The following ADCYAP1R1 variants were observed in gnomAD, a reference collection of about 807,000 sequenced individuals.
The protein encoded by ADCYAP1R1 is pituitary adenylate cyclase-activating polypeptide type I receptor.
ADCYAP1R1 carries 44 observed loss-of-function variants against 67.6 expected under a neutral mutation model. That is an observed-to-expected ratio of 0.65 (90% CI 0.51 to 0.84). The LOEUF (loss-of-function observed/expected upper bound fraction) is 0.84. Ranked by LOEUF, ADCYAP1R1 falls within the 40% of genes least tolerant of loss-of-function variation. The pLI is 0.00. For missense variants in ADCYAP1R1, 477 were observed against 587.9 expected, an observed-to-expected ratio of 0.81 and a Z score of 1.95; for synonymous variants, 222 against 219.6, an observed-to-expected ratio of 1.01 and a Z score of -0.10.
chr7:31,066,090 G>A (rs1487154032), intron 3 of ADCYAP1R1, among the ~76,000 whole-genome samples: 2 of 152,036 alleles, frequency 1.3e-5, no homozygotes, highest in Non-Finnish European at 2.9e-5. Context: ...GGGGCCAGAA[G>A]GGCACACAGT....
intron 6 of ADCYAP1R1, among the ~76,000 whole-genome samples, chr7:31,082,817 C>T (rs1795565423): frequency 6.6e-6 from 1 of 152,244 alleles, no homozygotes; most frequent in Admixed American, 6.5e-5. Flanking sequence ...TTGGAGTCTC[C>T]CTGTTGTGGG....
At chr7:31,104,488 C>T (rs1796558905) in intron 14 of ADCYAP1R1, among the ~76,000 whole-genome samples, 1 of 152,196 alleles carries the variant, frequency 6.6e-6, no homozygotes, top group Admixed American at 6.5e-5. Flanking sequence ...CAGGTCTGTT[C>T]TGTCCTGGAG....
chr7:31,071,956 G>GATCC (rs560523944), intron 3 of ADCYAP1R1, among the ~76,000 whole-genome samples: 7,517 of 142,604 alleles, frequency 0.053, 369 homozygotes, highest in Middle Eastern at 0.078. Context: ...TGTGGTAAAT[G>GATCC]ATCCATCCAT....
At chr7:31,071,956 GATCCATCC>G (rs560523944) in intron 3 of ADCYAP1R1, among the ~76,000 whole-genome samples, 22 of 142,698 alleles carry the variant, frequency 1.5e-4, no homozygotes, top group African/African-American at 4.3e-4. Flanking sequence ...TGTGGTAAAT[GATCCATCC>G]ATCCATCCAT....
At chr7:31,077,022 C>T (rs2267728) in intron 3 of ADCYAP1R1, among the ~76,000 whole-genome samples, 7 of 152,250 alleles carry the variant, frequency 4.6e-5, no homozygotes, top group Non-Finnish European at 1.0e-4. Context: ...GGGTGTGGGG[C>T]GGTGTAAAAA....
rs969192823 is a variant in ADCYAP1R1, at chr7:31,104,734, C to G, written c.1177-134C>G. 1.5e-5 allele frequency: 15 copies of G among 1,000,870 alleles called. No homozygotes were observed. In the African/African-American group the frequency reaches 2.2e-4, roughly 15 times the overall value. The allele number at this position is 1,000,870 out of a possible 1,614,324, so 62.0% of individuals were successfully genotyped here. On this transcript the variant is annotated intron_variant, in intron 14 of 15. Transcript: ENST00000304166. The stretch of plus-strand genomic sequence containing the variant: ...TAGAGTAGAACTGTCCCATCTTACC[C>G]CAGATCCCTGGGCAGGTGCCCCCAT...
chr7:31,084,577 G>A (rs1327811687), intron 7 of ADCYAP1R1, among the ~76,000 whole-genome samples, 160 bp from the exon 8 acceptor site: 1 of 152,188 alleles, frequency 6.6e-6, no homozygotes, highest in African/African-American at 2.4e-5. Flanking sequence ...GCTTGGCCAG[G>A]GGTGGGAGGT....
intron 1 of ADCYAP1R1, among the ~76,000 whole-genome samples, chr7:31,060,363 A>G (rs1036266610): frequency 2.0e-5 from 3 of 152,190 alleles, no homozygotes; most frequent in Non-Finnish European, 2.9e-5. Flanking sequence ...ATTGTTCTGT[A>G]TATCTACAGT....
In ADCYAP1R1 at chr7:31,065,026, A is replaced by AG. The variant is rs148494730; in HGVS notation, c.157+92dup. 7.3e-3 allele frequency: 6,996 copies of AG among 955,860 alleles called. 323 individuals carry two copies. The African/African-American group carries it at 0.1, about 14-fold the overall frequency. 59.2% of individuals were successfully genotyped at this position (955,860 alleles called of 1,614,324 possible). On this transcript the variant is annotated intron_variant, in intron 3 of 15. Coordinates refer to ENST00000304166, the MANE Select transcript of ADCYAP1R1 (RefSeq NM_001118.5). ...CTCAGGCTCGGCCAGTGAGTGGTCA[A>AG]GGTATGGGTTTCTGGGGACTTCAGA...
At position 31,086,781 on chromosome 7, in the gene ADCYAP1R1, GAT is replaced by G. The variant is rs1795761678; in HGVS notation, c.824-158_824-157del. ...ACAAGACAGCCCTTGGTCTGAGGGA[GAT>G]ATAGACCCTCAGGAGGCCTGGGTGT... On this transcript the variant is annotated intron_variant, in intron 10 of 15. Coordinates refer to ENST00000304166, the MANE Select transcript of ADCYAP1R1 (RefSeq NM_001118.5). This position sits in a 1 kb window ranked among gnomAD's most constrained non-coding sequence, Gnocchi z 5.0. 6.6e-6 allele frequency among the ~76,000 whole-genome samples: 1 copy of G among 152,152 alleles called. No individual in the cohort carries two copies. Among genetic ancestry groups the G allele is most frequent in the Non-Finnish European group, 1.5e-5 (1 of 68,030 alleles).
rs1180989250 is a variant in ADCYAP1R1, at chr7:31,086,489, TTCTTCCCTGAAAGG to T, written c.776_789del (p.Phe259Ter). The T allele has an allele frequency of 6.2e-7, 1 of 1,614,120 alleles. No homozygotes were observed. Among genetic ancestry groups the T allele is most frequent in the Non-Finnish European group, 8.5e-7 (1 of 1,180,048 alleles). ...CCTCTTCACTCTGCTGGTGGAGACCTTCTTCCCTGAAAGGAGATACTTCTACTGGTACACCATCA... is the reference window on the plus strand; with the variant it reads ...CCTCTTCACTCTGCTGGTGGAGACCTAGATACTTCTACTGGTACACCATCA... On this transcript the variant is annotated frameshift_variant, in exon 10 of 16. Transcript: ENST00000304166. LOFTEE classifies it high-confidence loss of function. This position sits in a 1 kb window ranked among gnomAD's most constrained non-coding sequence, Gnocchi z 5.0.
chr7:31,059,316 A>G (rs755972550), intron 1 of ADCYAP1R1, among the ~76,000 whole-genome samples: 6 of 152,230 alleles, frequency 3.9e-5, no homozygotes, highest in Admixed American at 3.9e-4. Context: ...AAGAAGGCAC[A>G]GAGAAGTTAA....
chr7:31,068,926 C>A (rs1794857223), intron 3 of ADCYAP1R1, among the ~76,000 whole-genome samples: 1 of 152,216 alleles, frequency 6.6e-6, no homozygotes, highest in Non-Finnish European at 1.5e-5. Context: ...TGGAGCTGGG[C>A]TTCTTGGCTC....
At chr7:31,104,616 T>C (rs1275333360) in intron 14 of ADCYAP1R1, among the ~76,000 whole-genome samples, 1 of 152,120 alleles carries the variant, frequency 6.6e-6, no homozygotes, top group East Asian at 1.9e-4. Context: ...GGGAAGGATC[T>C]GACCAAGGGA....
intron 1 of ADCYAP1R1, 43 bp from the exon 2 acceptor site, chr7:31,063,151 C>T: frequency 7.5e-7 from 1 of 1,331,384 alleles, no homozygotes; most frequent in South Asian, 1.2e-5. Context: ...CCCCCGGCCA[C>T]TGCACTGGGC....
At chr7:31,084,932 A>AAGAC in intron 8 of ADCYAP1R1, 98 bp downstream of exon 8, 1 of 1,183,304 alleles carries the variant, frequency 8.5e-7, no homozygotes, top group East Asian at 2.3e-5. Context: ...TCAGCCCTAG[A>AAGAC]AGACCCCTTT....
rs924382607 is a variant in ADCYAP1R1 at position 31,102,553 on chromosome 7, G to A, written c.1047-684G>A. 6.6e-6 allele frequency among the ~76,000 whole-genome samples: 1 copy of A among 152,140 alleles called. No homozygotes were observed. Among genetic ancestry groups the A allele is most frequent in the Non-Finnish European group, 1.5e-5 (1 of 68,032 alleles). Reference sequence around the variant, plus strand: ...GCCTCAGGAAGCACTGCAGTCCTCCGGCCCTTCCTCCCCTGCCTGGCCCAC... The same window carrying A: ...GCCTCAGGAAGCACTGCAGTCCTCCAGCCCTTCCTCCCCTGCCTGGCCCAC... On this transcript the variant is annotated intron_variant, in intron 13 of 15. Transcript: ENST00000304166. This position sits in a 1 kb window ranked among gnomAD's most constrained non-coding sequence, Gnocchi z 4.3.
At chr7:31,093,338 G>A (rs1562651317) in intron 13 of ADCYAP1R1, among the ~76,000 whole-genome samples, 1 of 151,836 alleles carries the variant, frequency 6.6e-6, no homozygotes, top group Non-Finnish European at 1.5e-5. Context: ...TGGGTTACAG[G>A]GCAGCCTCTT....
chr7:31,081,546 G>A (rs1795510941), intron 5 of ADCYAP1R1, among the ~76,000 whole-genome samples, 167 bp from the exon 6 acceptor site: 1 of 152,214 alleles, frequency 6.6e-6, no homozygotes, highest in African/African-American at 2.4e-5. Context: ...AAGGTGTAGT[G>A]TGTGAGAAAG....
Sources: allele counts gnomAD v4.1 joint callset (sites outside exome capture counted in the v4.1 genomes callset), GRCh38; gene constraint gnomAD v4.1.1; non-coding constraint Gnocchi (gnomAD v3.1); transcripts MANE v1.5; gene names NCBI Gene and HGNC (gene_info 2026-07-23, HGNC 2026-07-21).